SLC6A13: variants seen among roughly 807,000 people sequenced by gnomAD.
SLC6A13 encodes sodium- and chloride-dependent GABA transporter 2.
In SLC6A13, 69 loss-of-function variants were observed where a neutral mutation model predicts 72.9. The ratio of observed to expected loss-of-function variants is 0.95; its 90% confidence interval spans 0.78 to 1.16. The LOEUF is 1.16. Ranked by LOEUF, SLC6A13 falls within the 50% of genes most tolerant of loss-of-function variation. The pLI is 0.00. For synonymous variants in SLC6A13, 303 were observed against 303.0 expected, an observed-to-expected ratio of 1.00 and a Z score of 0.00; for missense variants, 735 against 760.5, an observed-to-expected ratio of 0.97 and a Z score of 0.39.
intron 2 of SLC6A13, among the ~76,000 whole-genome samples, chr12:250,752 A>T (rs1376276029): frequency 6.7e-6 from 1 of 150,182 alleles, no homozygotes; most frequent in East Asian, 1.9e-4. Flanking sequence ...CCTAATCAAA[A>T]GCACAACAGA....
rs1022258278 is a variant in SLC6A13 at position 243,689 on chromosome 12, G to A, written c.327C>T (p.Pro109=). 6.2e-7 allele frequency: 1 copy of A among 1,613,988 alleles called. No individual in the cohort carries two copies. The highest frequency in any genetic ancestry group is 2.2e-5 in the East Asian group (1 of 44,888). Residue 109 remains proline (P), a synonymous_variant, in exon 3 of 15, where the codon CCC becomes CCT. Transcript: ENST00000343164. The part of the protein sequence containing the change: ...GGVTAWRKIC[P]IFEGIGYASQ... ...TACAGAGCTACTCACCCTCAAAGAT[G>A]GGGCAGATCTTCCTCCAGGCTGTGA...
At chr12:233,654 C>G (rs1941807577) in intron 7 of SLC6A13, among the ~76,000 whole-genome samples, 1 of 151,866 alleles carries the variant, frequency 6.6e-6, no homozygotes, top group East Asian at 1.9e-4. Flanking sequence ...AGATGAGCTC[C>G]CAAGAGATAA....
At chr12:223,338 TG>T in intron 11 of SLC6A13, 104 bp from the exon 12 acceptor site, 1 of 635,124 alleles carries the variant, frequency 1.6e-6, no homozygotes, top group Non-Finnish European at 2.7e-6. Flanking sequence ...AGAGCAGAGT[TG>T]GTGAGGATCA....
Position 221,001 on chromosome 12 carries a change from C to CGG in SLC6A13, c.1754_1755dup (p.Ala586ProfsTer14). 6.2e-7 allele frequency: 1 copy of CGG among 1,612,546 alleles called. No homozygotes were observed. The highest frequency in any genetic ancestry group is 8.5e-7 in the Non-Finnish European group (1 of 1,179,784). On this transcript the variant is annotated frameshift_variant, in exon 15 of 15. Coordinates refer to ENST00000343164, the MANE Select transcript of SLC6A13 (RefSeq NM_016615.5). LOFTEE classifies it high-confidence loss of function. ...CTGAGCAGTGAGGTCCTGGGGGTGG[C>CGG]GGGAGCCGAGGGTCCTGCTGGGTTC...
intron 9 of SLC6A13, among the ~76,000 whole-genome samples, chr12:225,988 G>A (rs941155163): frequency 6.6e-6 from 1 of 152,252 alleles, no homozygotes; most frequent in Non-Finnish European, 1.5e-5. Flanking sequence ...ACGAGGCCAG[G>A]TGCGGAAGAG....
intron 11 of SLC6A13, 103 bp from the exon 12 acceptor site, chr12:223,337 T>G (rs969630540): frequency 4.7e-6 from 3 of 636,294 alleles, no homozygotes; most frequent in Non-Finnish European, 8.2e-6. Flanking sequence ...CAGAGCAGAG[T>G]TGGTGAGGAT....
chr12:249,411 C>T (rs1216416666), intron 2 of SLC6A13, among the ~76,000 whole-genome samples: 2 of 151,992 alleles, frequency 1.3e-5, no homozygotes, highest in African/African-American at 4.8e-5. Flanking sequence ...TTTTAGAAGA[C>T]ACAAATTATC....
intron 1 of SLC6A13, among the ~76,000 whole-genome samples, chr12:260,357 C>T (rs1334138721): frequency 6.6e-6 from 1 of 152,208 alleles, no homozygotes; most frequent in East Asian, 1.9e-4. Context: ...AGTTCATGGG[C>T]CGCTGTGCTG....
chr12:252,159 C>T (rs547124596), intron 2 of SLC6A13, among the ~76,000 whole-genome samples: 3 of 152,312 alleles, frequency 2.0e-5, no homozygotes, highest in South Asian at 2.1e-4. Context: ...TAATTATCAA[C>T]ATACCATATG....
intron 2 of SLC6A13, among the ~76,000 whole-genome samples, chr12:245,402 C>T (rs1942313401): frequency 6.6e-6 from 1 of 152,168 alleles, no homozygotes; most frequent in South Asian, 2.1e-4. Context: ...ACGAAATTGG[C>T]CGGGTGCAGT....
intron 2 of SLC6A13, among the ~76,000 whole-genome samples, chr12:257,746 G>A (rs1942792823): frequency 6.6e-6 from 1 of 152,094 alleles, no homozygotes; most frequent in African/African-American, 2.4e-5. Context: ...CAAAGGACCG[G>A]GGAGAGTCCC....
At chr12:261,800 C>T (rs1328394985) in intron 1 of SLC6A13, among the ~76,000 whole-genome samples, 1 of 152,108 alleles carries the variant, frequency 6.6e-6, no homozygotes, top group African/African-American at 2.4e-5. Flanking sequence ...GTGGCAGGCA[C>T]CTGTAATCCC....
intron 10 of SLC6A13, 76 bp from the exon 11 acceptor site, chr12:224,205 T>C (rs1591820807): frequency 6.3e-7 from 1 of 1,577,440 alleles, no homozygotes; most frequent in Non-Finnish European, 8.7e-7. Flanking sequence ...GGCTTCTCGC[T>C]CCCAGGATCA....
rs750685258 is a variant in SLC6A13, at chr12:224,034, T to C, written c.1269A>G (p.Val423=). The C allele has an allele frequency of 1.2e-6, 2 of 1,613,600 alleles. No individual in the cohort carries two copies. The highest frequency in any genetic ancestry group is 1.7e-5 in the Admixed American group (1 of 59,976). Reference sequence around the variant, plus strand: ...GCCCCACAAGGAAGGAGACGACAGATACTCCAAGGATGAGGACTTCCCTCC... The same window carrying C: ...GCCCCACAAGGAAGGAGACGACAGACACTCCAAGGATGAGGACTTCCCTCC... ...KNRREVLILG[V]SVVSFLVGLI... is the part of the protein sequence containing the mutation. The change falls in exon 11 of 15, where the codon GTA becomes GTG. Residue 423 remains valine (V), a synonymous_variant. Coordinates refer to ENST00000343164, the MANE Select transcript of SLC6A13 (RefSeq NM_016615.5).
Position 254,135 on chromosome 12 carries a change from C to A in SLC6A13, c.202+5716G>T, listed in dbSNP as rs10848638. ...TAGAAAATCGTATTTGCTTTCCCTCCTGGCAGCTGAGGGTGGAGGGCTGGA... is the reference window on the plus strand; with the variant it reads ...TAGAAAATCGTATTTGCTTTCCCTCATGGCAGCTGAGGGTGGAGGGCTGGA... On this transcript the variant is annotated intron_variant, in intron 2 of 14. Transcript: ENST00000343164. The surrounding 1 kb of genome is among the most constrained non-coding windows in gnomAD (Gnocchi z 4.4). Among the ~76,000 whole-genome samples, 11,052 of 152,260 alleles carry A rather than the reference C, an allele frequency of 0.073. 503 individuals are homozygous for A. The highest frequency in any genetic ancestry group is 0.095 in the Non-Finnish European group (6,455 of 68,010).
intron 4 of SLC6A13, among the ~76,000 whole-genome samples, chr12:241,877 C>A (rs492540): frequency 0.21 from 32,197 of 152,242 alleles, 3,593 homozygotes; most frequent in Middle Eastern, 0.3. Flanking sequence ...CAGTGGATCA[C>A]CTGTATGGCA....
chr12:227,372 G>A (rs950288315), intron 8 of SLC6A13, 193 bp downstream of exon 8: 52 of 533,640 alleles, frequency 9.7e-5, no homozygotes, highest in South Asian at 3.2e-4. Flanking sequence ...CCACCCTTTC[G>A]GATGCAATTC....
chr12:223,542 G>A (rs1455036102), intron 11 of SLC6A13, among the ~76,000 whole-genome samples: 1 of 152,180 alleles, frequency 6.6e-6, no homozygotes, highest in Non-Finnish European at 1.5e-5. Flanking sequence ...TTGGGGAAAG[G>A]ATCAGGATAA....
intron 4 of SLC6A13, among the ~76,000 whole-genome samples, chr12:239,829 C>T (rs768202863): frequency 5.3e-5 from 8 of 152,174 alleles, no homozygotes; most frequent in Non-Finnish European, 1.2e-4. Context: ...CTGCAGTGCA[C>T]CCAGAAAAGC....
Sources: gnomAD v4.1 joint callset for allele counts (sites outside exome capture counted in the v4.1 genomes callset) on GRCh38, gnomAD v4.1.1 for gene constraint, Gnocchi (gnomAD v3.1) non-coding constraint, MANE v1.5 for transcripts, NCBI Gene and HGNC (gene_info 2026-07-23, HGNC 2026-07-21) for gene names.